LUZP2: variants seen among roughly 807,000 people sequenced by gnomAD.
LUZP2 encodes leucine zipper protein 2.
LUZP2 carries 52 observed loss-of-function variants against 51.6 expected under a neutral mutation model. The observed-to-expected ratio is 1.01, with a 90% confidence interval of 0.81 to 1.27. The LOEUF is 1.27. Among genes scored for constraint, LUZP2 ranks in the 50% most tolerant of loss-of-function variants. The pLI is 0.00. For synonymous variants in LUZP2, 154 were observed against 137.3 expected, an observed-to-expected ratio of 1.12 and a Z score of -0.85; for missense variants, 436 against 395.4, an observed-to-expected ratio of 1.10 and a Z score of -0.87.
intron 1 of LUZP2, among the ~76,000 whole-genome samples, chr11:24,687,668 G>A (rs1462291017): frequency 6.6e-6 from 1 of 152,084 alleles, no homozygotes; most frequent in Non-Finnish European, 1.5e-5. Flanking sequence ...GAGTAATTGT[G>A]CCAGTTTAGT....
intron 5 of LUZP2, among the ~76,000 whole-genome samples, chr11:24,848,059 A>G (rs1851258936): frequency 1.3e-5 from 2 of 152,024 alleles, no homozygotes; most frequent in Non-Finnish European, 2.9e-5. Context: ...AGTAGGAGAG[A>G]GTATCTTGGG....
At chr11:24,642,737 TC>T (rs1855332832) in intron 1 of LUZP2, among the ~76,000 whole-genome samples, 1 of 149,628 alleles carries the variant, frequency 6.7e-6, no homozygotes, top group African/African-American at 2.6e-5. Context: ...ACTGGGCATG[TC>T]TGTCTCAACT....
At chr11:24,919,733 A>T (rs547432751) in intron 7 of LUZP2, among the ~76,000 whole-genome samples, 2 of 150,370 alleles carry the variant, frequency 1.3e-5, no homozygotes, top group African/African-American at 2.4e-5. Context: ...CTTGAGTTAT[A>T]GTTTTTATGA....
At chr11:24,948,783 T>G (rs1854976202) in intron 7 of LUZP2, among the ~76,000 whole-genome samples, 1 of 151,594 alleles carries the variant, frequency 6.6e-6, no homozygotes, top group Non-Finnish European at 1.5e-5. Flanking sequence ...GAGAATGAAG[T>G]AGCAGCTTCC....
At chr11:24,911,128 G>A (rs1265412371) in intron 6 of LUZP2, among the ~76,000 whole-genome samples, 1 of 152,170 alleles carries the variant, frequency 6.6e-6, no homozygotes, top group Non-Finnish European at 1.5e-5. Context: ...CATTTGGAAT[G>A]GGTATATTTA....
At chr11:24,990,165 C>T (rs1376259403) in intron 9 of LUZP2, among the ~76,000 whole-genome samples, 2 of 151,982 alleles carry the variant, frequency 1.3e-5, no homozygotes, top group Admixed American at 6.6e-5. Context: ...AATGAATGCA[C>T]TCAAATTTTA....
At chr11:24,810,944 C>T (rs1292243152) in intron 5 of LUZP2, among the ~76,000 whole-genome samples, 1 of 152,154 alleles carries the variant, frequency 6.6e-6, no homozygotes, top group Non-Finnish European at 1.5e-5. Context: ...ATTAGGTCTT[C>T]TCTTTAATTT....
At chr11:24,666,762 G>A (rs1590320802) in intron 1 of LUZP2, among the ~76,000 whole-genome samples, 1 of 152,184 alleles carries the variant, frequency 6.6e-6, no homozygotes, top group Admixed American at 6.5e-5. Context: ...TATCTTCGAT[G>A]TTTGGAAGTT....
At chr11:24,932,008 G>T (rs1330650708) in intron 7 of LUZP2, among the ~76,000 whole-genome samples, 2 of 152,154 alleles carry the variant, frequency 1.3e-5, no homozygotes, top group Admixed American at 1.3e-4. Context: ...GAGCTGAACT[G>T]CAGTGATTGT....
intron 1 of LUZP2, among the ~76,000 whole-genome samples, chr11:24,560,470 G>C (rs1852004145): frequency 6.6e-6 from 1 of 152,076 alleles, no homozygotes; most frequent in Admixed American, 6.6e-5. Flanking sequence ...GTGACAAGGT[G>C]AGCTTTACAT....
At chr11:24,702,948 A>T (rs1857460538) in intron 1 of LUZP2, among the ~76,000 whole-genome samples, 1 of 152,228 alleles carries the variant, frequency 6.6e-6, no homozygotes. Context: ...AAAAGCATGC[A>T]CATATATATC....
chr11:24,943,276 T>C (rs989928630), intron 7 of LUZP2, among the ~76,000 whole-genome samples: 3 of 152,244 alleles, frequency 2.0e-5, no homozygotes, highest in African/African-American at 7.2e-5. Flanking sequence ...GGGTAATTCA[T>C]AGTTTTGTGC....
chr11:24,801,320 T>G (rs1227645906), intron 5 of LUZP2, among the ~76,000 whole-genome samples: 4 of 152,198 alleles, frequency 2.6e-5, no homozygotes, highest in African/African-American at 9.6e-5. Context: ...TCTCAAAGCT[T>G]TCTGAATGCT....
At chr11:24,624,845 T>C (rs916357563) in intron 1 of LUZP2, among the ~76,000 whole-genome samples, 2 of 152,214 alleles carry the variant, frequency 1.3e-5, no homozygotes, top group Admixed American at 1.3e-4. Flanking sequence ...ATTGTGTTTA[T>C]TTTTATTATT....
intron 9 of LUZP2, among the ~76,000 whole-genome samples, chr11:25,020,974 T>A (rs1857316934): frequency 6.6e-6 from 1 of 152,062 alleles, no homozygotes; most frequent in Admixed American, 6.6e-5. Context: ...AGTTCCTGGA[T>A]TCTGGTGACA....
chr11:25,077,792 G>A lies in LUZP2; in HGVS notation c.936+386G>A, dbSNP rs376145958. On this transcript the variant is annotated intron_variant, in intron 11 of 11. Transcript: ENST00000336930. ...ATTACAGGCGTGAGCCACCGCGCCC[G>A]ACCAGATCCATGGTATTTAACACTC... Among the ~76,000 whole-genome samples, 59 of 152,200 alleles carry A rather than the reference G, an allele frequency of 3.9e-4. 1 individual carries two copies. Among genetic ancestry groups the A allele is most frequent in the Middle Eastern group, 3.4e-3 (1 of 294 alleles).
intron 5 of LUZP2, chr11:24,891,553 A>T (rs1321569191): frequency 2.1e-6 from 2 of 934,362 alleles, no homozygotes; most frequent in Non-Finnish European, 2.6e-6. Flanking sequence ...AAGAAAAGAA[A>T]GTTCACATAT....
chr11:24,826,202 T>TATATATAA, intron 5 of LUZP2, among the ~76,000 whole-genome samples: 2 of 141,946 alleles, frequency 1.4e-5, no homozygotes, highest in Non-Finnish European at 3.1e-5. Flanking sequence ...TATATATATA[T>TATATATAA]ATATATAGTA....
At chr11:24,498,502 T>C (rs1414497523) in intron 1 of LUZP2, among the ~76,000 whole-genome samples, 1 of 152,182 alleles carries the variant, frequency 6.6e-6, no homozygotes, top group Non-Finnish European at 1.5e-5. Context: ...ATAAATTTAG[T>C]CTTTCCTTGC....
Sources: gnomAD v4.1 joint callset for allele counts (sites outside exome capture counted in the v4.1 genomes callset) on GRCh38, gnomAD v4.1.1 for gene constraint, MANE v1.5 for transcripts, NCBI Gene and HGNC (gene_info 2026-07-23, HGNC 2026-07-21) for gene names.